The following NIBAN1 variants were observed in gnomAD, a reference collection of about 807,000 sequenced individuals.
NIBAN1 encodes niban apoptosis regulator 1.
Under a neutral mutation model 75.1 loss-of-function variants are expected in NIBAN1, and 81 were observed. That is an observed-to-expected ratio of 1.08 (90% CI 0.90 to 1.30). The LOEUF is 1.30. Among genes scored for constraint, NIBAN1 ranks in the 50% most tolerant of loss-of-function variants. NIBAN1 has a pLI of 0.00. For synonymous variants in NIBAN1, 436 were observed against 424.8 expected, an observed-to-expected ratio of 1.03 and a Z score of -0.32; for missense variants, 1,133 against 1,128.1, an observed-to-expected ratio of 1.00 and a Z score of -0.06.
chr1:184,953,626 T>A (rs1658412498), intron 1 of NIBAN1, among the ~76,000 whole-genome samples: 1 of 152,224 alleles, frequency 6.6e-6, no homozygotes, highest in Non-Finnish European at 1.5e-5. Flanking sequence ...TGTGGAGACA[T>A]GAAGGTTTGT....
intron 1 of NIBAN1, among the ~76,000 whole-genome samples, chr1:184,942,693 C>CAAAAA (rs1235041623): frequency 5.1e-5 from 4 of 78,372 alleles, no homozygotes; most frequent in Non-Finnish European, 7.9e-5. Flanking sequence ...GACTCCGTCT[C>CAAAAA]AAAAAAAAAA....
intron 1 of NIBAN1, among the ~76,000 whole-genome samples, chr1:184,948,691 T>A (rs993843383): frequency 2.0e-5 from 3 of 152,130 alleles, no homozygotes; most frequent in African/African-American, 7.2e-5. Flanking sequence ...CCACAGCCAA[T>A]AAAACTTAAG....
Position 184,795,623 on chromosome 1 carries a change from T to G in NIBAN1, c.2141A>C (p.Lys714Thr). 1.2e-6 allele frequency: 2 copies of G among 1,614,206 alleles called. No individual in the cohort carries two copies. Among genetic ancestry groups the G allele is most frequent in the Non-Finnish European group, 1.7e-6 (2 of 1,180,044 alleles). The change falls in exon 14 of 14, where the codon AAG becomes ACG. Residue 714 changes from lysine to threonine, a missense_variant. Transcript: ENST00000367511. ...TASGSLKALRKLLTASVEVPV... is the reference protein window; with the variant it reads ...TASGSLKALRTLLTASVEVPV... ...TACTTCCACGGACGCTGTCAGCAAC[T>G]TTCTGAGCGCCTTCAAAGAACCCGA...
chr1:184,796,394 T>G (rs1422006332), intron 13 of NIBAN1, among the ~76,000 whole-genome samples: 1 of 152,334 alleles, frequency 6.6e-6, no homozygotes, highest in East Asian at 1.9e-4. Context: ...GGGTCTGCAG[T>G]AGTGTCACCT....
chr1:184,795,559 A>G lies in NIBAN1; in HGVS notation c.2205T>C (p.Asn735=). The G allele has an allele frequency of 6.2e-7, 1 of 1,614,032 alleles. No homozygotes were observed. Among genetic ancestry groups the G allele is most frequent in the East Asian group, 2.2e-5 (1 of 44,870 alleles). The change falls in exon 14 of 14, where the codon AAT becomes AAC. Residue 735 remains asparagine (N), a synonymous_variant. Transcript: ENST00000367511. ...TTTCTTGGGGAACGTGGCTCTCCCC[A>G]TTCGTATCTTCTTCCATCACTGGAG... ...DSAPVMEEDT[N]GESHVPQENE...
At chr1:184,961,169 C>T (rs553649534) in intron 1 of NIBAN1, among the ~76,000 whole-genome samples, 1 of 143,392 alleles carries the variant, frequency 7.0e-6, no homozygotes, top group African/African-American at 2.6e-5. Flanking sequence ...CCTGGGTTCA[C>T]GCCATTCTCC....
chr1:184,851,474 T>G (rs1291868474), intron 5 of NIBAN1, among the ~76,000 whole-genome samples: 2 of 41,188 alleles, frequency 4.9e-5, no homozygotes, highest in South Asian at 1.4e-3. Context: ...ACTTGGGGAC[T>G]GTGGTGGGGT....
chr1:184,965,194 G>T (rs940662144), intron 1 of NIBAN1, among the ~76,000 whole-genome samples: 1 of 152,048 alleles, frequency 6.6e-6, no homozygotes, highest in African/African-American at 2.4e-5. Flanking sequence ...AGCTACTCGA[G>T]AGGCTGACGC....
intron 5 of NIBAN1, among the ~76,000 whole-genome samples, chr1:184,859,867 G>A (rs968288543): frequency 6.6e-6 from 1 of 152,156 alleles, no homozygotes; most frequent in Non-Finnish European, 1.5e-5. Context: ...GCTCAGCAAG[G>A]AGCTGAGGTC....
intron 1 of NIBAN1, among the ~76,000 whole-genome samples, chr1:184,940,871 C>T (rs1557923575): frequency 6.6e-6 from 1 of 152,220 alleles, no homozygotes; most frequent in Non-Finnish European, 1.5e-5. Context: ...ATCAACATTT[C>T]ATCATTCGAT....
chr1:184,938,232 T>C (rs981534548), intron 1 of NIBAN1, among the ~76,000 whole-genome samples: 3 of 152,138 alleles, frequency 2.0e-5, no homozygotes, highest in African/African-American at 7.2e-5. Flanking sequence ...AACTTCAAGC[T>C]TCATAAAAGC....
At chr1:184,962,383 T>G (rs1188710704) in intron 1 of NIBAN1, among the ~76,000 whole-genome samples, 1 of 152,202 alleles carries the variant, frequency 6.6e-6, no homozygotes, top group Admixed American at 6.5e-5. Flanking sequence ...CATTGCCTAG[T>G]GCCTTTGAGA....
intron 5 of NIBAN1, among the ~76,000 whole-genome samples, chr1:184,873,668 T>G (rs779905864): frequency 3.3e-5 from 5 of 152,260 alleles, no homozygotes; most frequent in Non-Finnish European, 5.9e-5. Flanking sequence ...GTTGAGCCAC[T>G]TCTCCACAAT....
intron 2 of NIBAN1, among the ~76,000 whole-genome samples, chr1:184,897,970 T>A (rs1479473249): frequency 6.6e-6 from 1 of 152,196 alleles, no homozygotes; most frequent in Non-Finnish European, 1.5e-5. Context: ...CATAGTCTAT[T>A]CTTTACACAG....
chr1:184,881,303 C>T lies in NIBAN1; in HGVS notation c.601+3330G>A, dbSNP rs551944865. ...CTTCATCAGGGTTAAATAGGAAACG[C>T]CCACCCTATAAGGAAAAGCAGGACA... On this transcript the variant is annotated intron_variant, in intron 5 of 13. Transcript: ENST00000367511. Among the ~76,000 whole-genome samples, 293 of 152,080 alleles carry T rather than the reference C, an allele frequency of 1.9e-3. 1 individual carries two copies. The highest frequency in any genetic ancestry group is 3.8e-3 in the Non-Finnish European group (260 of 68,028).
At chr1:184,966,005 A>T (rs180710441) in intron 1 of NIBAN1, among the ~76,000 whole-genome samples, 3 of 152,278 alleles carry the variant, frequency 2.0e-5, no homozygotes, top group Non-Finnish European at 4.4e-5. Flanking sequence ...TGTGTAGATT[A>T]AAAGAGACAT....
intron 1 of NIBAN1, among the ~76,000 whole-genome samples, chr1:184,917,311 T>TCTGCCTCAGCCTCCCGAGTAGCTGGGA (rs1657412726): frequency 6.6e-6 from 1 of 151,032 alleles, no homozygotes; most frequent in Admixed American, 6.6e-5. Flanking sequence ...TTCATGCCAT[T>TCTGCCTCAGCCTCCCGAGTAGCTGGGA]CTGCCTCAGC....
Position 184,833,423 on chromosome 1 carries a change from G to A in NIBAN1, c.602-1461C>T, listed in dbSNP as rs1277128160. Among the ~76,000 whole-genome samples, 3 of 151,964 alleles carry A rather than the reference G, an allele frequency of 2.0e-5. No individual in the cohort carries two copies. In the East Asian group the frequency reaches 5.8e-4, roughly 29 times the overall value. On this transcript the variant is annotated intron_variant, in intron 5 of 13. Coordinates refer to ENST00000367511, the MANE Select transcript of NIBAN1 (RefSeq NM_052966.4). ...TGCATTTTAAAAAATGTGGAACAGT[G>A]GCCAGGCATGGTGGTGGCTCGCACC...
chr1:184,942,276 TAA>T (rs1194870122), intron 1 of NIBAN1, among the ~76,000 whole-genome samples: 1 of 152,290 alleles, frequency 6.6e-6, no homozygotes, highest in Non-Finnish European at 1.5e-5. Flanking sequence ...CTGTGTGCAT[TAA>T]AGTTATACTT....
Sources: gnomAD v4.1 joint callset for allele counts (sites outside exome capture counted in the v4.1 genomes callset) on GRCh38, gnomAD v4.1.1 for gene constraint, MANE v1.5 for transcripts, NCBI Gene and HGNC (gene_info 2026-07-23, HGNC 2026-07-21) for gene names.